Variants in RASA3 observed in about 807,000 individuals in gnomAD.
RASA3 encodes the protein ras GTPase-activating protein 3.
In RASA3, 73 loss-of-function variants were observed where a neutral mutation model predicts 110.0. That is an observed-to-expected ratio of 0.66 (90% CI 0.55 to 0.81). RASA3 has a LOEUF of 0.81. Among genes scored for constraint, RASA3 ranks in the 30% least tolerant of loss-of-function variants. The pLI, the probability that RASA3 is intolerant of heterozygous loss-of-function variation, is 0.00. For synonymous variants in RASA3, 500 were observed against 451.4 expected (o/e 1.11, Z -1.37); for missense variants, 976 against 1,113.2 (o/e 0.88, Z 1.75).
chr13:114,128,235 G>A (rs184360395), intron 1 of RASA3, among the ~76,000 whole-genome samples: 63 of 152,376 alleles, frequency 4.1e-4, no homozygotes, highest in African/African-American at 1.4e-3. Flanking sequence ...AAGCCACGGC[G>A]TGGCCAGTAT....
At position 114,011,440 on chromosome 13, in the gene RASA3, G is replaced by A. The variant is rs2053635854; in HGVS notation, c.1513-192C>T. On this transcript the variant is annotated intron_variant, in intron 15 of 23. Coordinates refer to ENST00000334062, the MANE Select transcript of RASA3 (RefSeq NM_007368.4). This position sits in a 1 kb window ranked among gnomAD's most constrained non-coding sequence, Gnocchi z 4.8. ...GTCCCACAGTCTCAGGAGCTGCTGA[G>A]ACCATCCCGCAGGCAACATCCGACG... Among the ~76,000 whole-genome samples the A allele has an allele frequency of 6.6e-6, 1 of 152,148 alleles. No individual in the cohort carries two copies. Among genetic ancestry groups the A allele is most frequent in the African/African-American group, 2.4e-5 (1 of 41,420 alleles).
At position 114,013,092 on chromosome 13, in the gene RASA3, G is replaced by A. The variant is rs745693009; in HGVS notation, c.1512+50C>T. 110 of 1,515,516 alleles carry A rather than the reference G, an allele frequency of 7.3e-5. 1 individual carries two copies. In the Middle Eastern group the frequency reaches 7.8e-4, roughly 11 times the overall value. The allele number at this position is 1,515,516 out of a possible 1,614,324, so 93.9% of individuals were successfully genotyped here. A position where few individuals can be genotyped will look rare whatever the true frequency, so the allele number is the denominator to read the frequency against. On this transcript the variant is annotated intron_variant, in intron 15 of 23. Coordinates refer to ENST00000334062, the MANE Select transcript of RASA3 (RefSeq NM_007368.4). ...CCACGCAGATGCCCCAACCCAGGCCGGCGTCGCAGGACAGCTCAGAAAGCC... is the reference window on the plus strand; with the variant it reads ...CCACGCAGATGCCCCAACCCAGGCCAGCGTCGCAGGACAGCTCAGAAAGCC...
At chr13:114,018,672 G>A in intron 10 of RASA3, 91 bp downstream of exon 10, 1 of 1,480,466 alleles carries the variant, frequency 6.8e-7, no homozygotes, top group South Asian at 1.3e-5. Context: ...CAGGGAGAAG[G>A]TGCCCTCTGG....
rs539258055 is a variant in RASA3 at position 113,980,159 on chromosome 13, C to A, written c.2430-737G>T. ...TACCTCCTGCCACGTGTGTGCACAC[C>A]TCCTCCCACGTGTGTGCACCTCCTC... On this transcript the variant is annotated intron_variant, in intron 23 of 23. Coordinates refer to ENST00000334062, the MANE Select transcript of RASA3 (RefSeq NM_007368.4). Among the ~76,000 whole-genome samples the A allele has an allele frequency of 3.5e-3, 506 of 146,436 alleles. 4 individuals carry two copies. Among genetic ancestry groups the A allele is most frequent in the African/African-American group, 0.012 (483 of 39,106 alleles).
Position 114,013,210 on chromosome 13 carries a change from T to C in RASA3, c.1444A>G (p.Ile482Val). The C allele has an allele frequency of 1.9e-6, 3 of 1,613,364 alleles. No individual in the cohort carries two copies. Among genetic ancestry groups the C allele is most frequent in the African/African-American group, 1.3e-5 (1 of 75,024 alleles). ...GCGGGCGCAAAGAACCTCAGGAAGA[T>C]GAAGCTGCTCACTGCAGTGTACCTG... is the stretch of plus-strand genomic sequence containing the variant. ...DVRYTAVSSF[I>V]FLRFFAPAIL... The change falls in exon 15 of 24, where the codon ATC becomes GTC. Residue 482 changes from isoleucine to valine, a missense_variant. Ile to Val is a conservative substitution (Grantham distance 29). Around this residue, in one of 4 missense-constraint regions of RASA3, gnomAD observed 732 missense variants for 779.7 expected, o/e 0.94. Coordinates refer to ENST00000334062, the MANE Select transcript of RASA3 (RefSeq NM_007368.4).
rs778849589 is a variant in RASA3 at position 113,979,410 on chromosome 13, G to A, written c.2442C>T (p.Ile814=). 3.7e-6 allele frequency: 6 copies of A among 1,601,398 alleles called. No individual in the cohort carries two copies. The highest frequency in any genetic ancestry group is 1.3e-5 in the African/African-American group (1 of 74,624). The change falls in exon 24 of 24, where the codon ATC becomes ATT. Residue 814 remains isoleucine (I), a synonymous_variant. Coordinates refer to ENST00000334062, the MANE Select transcript of RASA3 (RefSeq NM_007368.4). ...TGTAGTTCTGGAAGCTCTTGTCTCC[G>A]ATGGGGTGCTCCCTGAAAAGGGGGA... is the stretch of plus-strand genomic sequence containing the variant. ...KTKYGSQEHP[I]GDKSFQNYIR... is the part of the protein sequence containing the mutation.
chr13:114,000,894 C>T lies in RASA3; in HGVS notation c.1781G>A (p.Gly594Glu). The change falls in exon 19 of 24, where the codon GGG (glycine) becomes GAG (glutamate). Residue 594 changes from glycine to glutamate, a missense_variant. Physicochemically the swap from Gly to Glu is moderately conservative, Grantham distance 98. Coordinates refer to ENST00000334062, the MANE Select transcript of RASA3 (RefSeq NM_007368.4). ...CCATCTCTTCTTAAAATTCTTCATC[C>T]CAAAGCGCTTCCGTCCTTGGGCCCT... ...IKRAQGRKRF[G>E]MKNFKKRWFR... 1 of 1,613,914 alleles carries T rather than the reference C, an allele frequency of 6.2e-7. No homozygotes were observed. Among genetic ancestry groups the T allele is most frequent in the Non-Finnish European group, 8.5e-7 (1 of 1,179,896 alleles).
chr13:114,073,182 C>A (rs1281422415), intron 2 of RASA3, among the ~76,000 whole-genome samples: 3 of 151,768 alleles, frequency 2.0e-5, no homozygotes, highest in African/African-American at 7.3e-5. Flanking sequence ...AAATTCCCTA[C>A]ACGCAGGAAA....
At chr13:114,088,575 G>T (rs2079849727) in intron 1 of RASA3, among the ~76,000 whole-genome samples, 1 of 150,920 alleles carries the variant, frequency 6.6e-6, no homozygotes, top group South Asian at 2.1e-4. Context: ...TTTTGAGACG[G>T]AGTTTCACTT....
chr13:113,988,987 A>G (rs2053034920), intron 22 of RASA3, among the ~76,000 whole-genome samples: 1 of 136,776 alleles, frequency 7.3e-6, no homozygotes. Context: ...TACACCCATC[A>G]CTCACCCATC....
At chr13:114,103,401 C>T (rs1364254543) in intron 1 of RASA3, among the ~76,000 whole-genome samples, 2 of 152,106 alleles carry the variant, frequency 1.3e-5, no homozygotes, top group African/African-American at 4.8e-5. Context: ...CAGACACACA[C>T]TACATCCAAA....
chr13:113,993,051 T>C (rs1465202699), intron 21 of RASA3, among the ~76,000 whole-genome samples: 1 of 152,188 alleles, frequency 6.6e-6, no homozygotes, highest in Non-Finnish European at 1.5e-5. Context: ...TAATATGTAA[T>C]ACTTGTACAT....
intron 1 of RASA3, among the ~76,000 whole-genome samples, chr13:114,125,861 C>CA (rs1566591730): frequency 2.6e-5 from 4 of 152,154 alleles, no homozygotes; most frequent in East Asian, 1.9e-4. Context: ...AGTTCCACAA[C>CA]GGCTGTCCAA....
rs561491814 is a variant in RASA3, at chr13:114,065,484, C to A, written c.173+8236G>T. On this transcript the variant is annotated intron_variant, in intron 2 of 23. Transcript: ENST00000334062. The surrounding 1 kb of genome is among the most constrained non-coding windows in gnomAD (Gnocchi z 4.1). Reference sequence around the variant, plus strand: ...AAGCCAGCCTCTGGGCTGAGCTCTGCGGTCCTGAGTCACTGCCTGACTCAT... The same window carrying A: ...AAGCCAGCCTCTGGGCTGAGCTCTGAGGTCCTGAGTCACTGCCTGACTCAT... Among the ~76,000 whole-genome samples, 1 of 152,194 alleles carries A rather than the reference C, an allele frequency of 6.6e-6. No individual in the cohort carries two copies. The highest frequency in any genetic ancestry group is 1.5e-5 in the Non-Finnish European group (1 of 68,028).
chr13:114,016,616 C>T (rs192520076), intron 12 of RASA3, among the ~76,000 whole-genome samples: 200 of 152,320 alleles, frequency 1.3e-3, no homozygotes, highest in African/African-American at 2.6e-3. Flanking sequence ...GAGCGATGTG[C>T]GCCCGCGATC....
Position 113,996,028 on chromosome 13 carries a change from TGATGGGGGGGCCC to T in RASA3, c.2141+490_2141+502del, listed in dbSNP as rs1163818835. Reference sequence around the variant, plus strand: ...AGGCCCGGCTGATGGGGGACCCGGCTGATGGGGGGGCCCGGCTGATGGGGGGGCCCGGCTGATG... The same window carrying T: ...AGGCCCGGCTGATGGGGGACCCGGCTGGCTGATGGGGGGGCCCGGCTGATG... On this transcript the variant is annotated intron_variant, in intron 21 of 23. Coordinates refer to ENST00000334062, the MANE Select transcript of RASA3 (RefSeq NM_007368.4). Among the ~76,000 whole-genome samples the T allele has an allele frequency of 2.2e-3, 130 of 60,096 alleles. 2 individuals are homozygous for T. The highest frequency in any genetic ancestry group is 8.9e-3 in the African/African-American group (125 of 14,082). 39.4% of individuals were successfully genotyped at this position (60,096 alleles called of 152,430 possible).
chr13:114,094,687 A>T (rs983408845), intron 1 of RASA3, among the ~76,000 whole-genome samples: 22 of 152,380 alleles, frequency 1.4e-4, no homozygotes, highest in African/African-American at 5.0e-4. Flanking sequence ...CATGCATCAC[A>T]TTCTACCTGA....
At chr13:114,032,528 G>T (rs2054188458) in intron 4 of RASA3, among the ~76,000 whole-genome samples, 2 of 152,236 alleles carry the variant, frequency 1.3e-5, no homozygotes, top group South Asian at 2.1e-4. Context: ...GGCGCAGCCT[G>T]CCCTGCCAGG....
chr13:114,070,374 T>G (rs1455206555), intron 2 of RASA3, among the ~76,000 whole-genome samples: 1 of 152,040 alleles, frequency 6.6e-6, no homozygotes, highest in African/African-American at 2.4e-5. Context: ...TGTCGACCAA[T>G]GACTAATACA....
Sources: gnomAD v4.1 joint callset for allele counts (sites outside exome capture counted in the v4.1 genomes callset) on GRCh38, gnomAD v4.1.1 for gene constraint, gnomAD v4.1.1 regional missense constraint, Gnocchi (gnomAD v3.1) non-coding constraint, MANE v1.5 for transcripts, NCBI Gene and HGNC (gene_info 2026-07-23, HGNC 2026-07-21) for gene names.